The following COL18A1 variants were observed in gnomAD, a reference collection of about 807,000 sequenced individuals.
COL18A1 encodes the protein collagen type XVIII alpha 1 chain, also known as collagen alpha-1(XVIII) chain.
COL18A1 carries 133 observed loss-of-function variants against 168.0 expected under a neutral mutation model. The ratio of observed to expected loss-of-function variants is 0.79; its 90% CI spans 0.69 to 0.91. COL18A1 has a LOEUF of 0.91. Among genes scored for constraint, COL18A1 ranks in the 40% least tolerant of loss-of-function variants. The pLI, the probability that COL18A1 is intolerant of heterozygous loss-of-function variation, is 0.00. For missense variants in COL18A1, 2,126 were observed against 1,925.4 expected, an observed-to-expected ratio of 1.10 and a Z score of -1.95; for synonymous variants, 949 against 809.0, an observed-to-expected ratio of 1.17 and a Z score of -2.94.
intron 2 of COL18A1, among the ~76,000 whole-genome samples, chr21:45,436,612 A>G (rs2145794325): frequency 7.2e-6 from 1 of 139,224 alleles, no homozygotes; most frequent in African/African-American, 2.7e-5. Context: ...ATGGCGGGAA[A>G]GTGCCCCACC....
chr21:45,511,327 TCTTATACATGCTCATTA>T (rs2037596886), intron 41 of COL18A1, 101 bp downstream of exon 41: 2 of 711,812 alleles, frequency 2.8e-6, no homozygotes, highest in Non-Finnish European at 5.2e-6. Context: ...TTTGGACAAA[TCTTATACATGCTCATTA>T]CTTTAAAATT....
intron 2 of COL18A1, among the ~76,000 whole-genome samples, chr21:45,428,479 T>C (rs2033868719): frequency 6.6e-6 from 1 of 152,162 alleles, no homozygotes. Context: ...TAAGTTGAGG[T>C]GAAATTCACA....
intron 26 of COL18A1, 69 bp downstream of exon 26, chr21:45,493,644 G>C (rs1333570299): frequency 2.5e-6 from 3 of 1,213,122 alleles, no homozygotes; most frequent in Admixed American, 4.0e-5. Flanking sequence ...GCCTGGGGAG[G>C]GTCTTCCTGA....
At chr21:45,475,966 G>A (rs115872336) in intron 5 of COL18A1, among the ~76,000 whole-genome samples, 2,397 of 152,346 alleles carry the variant, frequency 0.016, 67 homozygotes, top group African/African-American at 0.054. Context: ...AGAAAACACA[G>A]GAGGGGCGGG....
intron 22 of COL18A1, among the ~76,000 whole-genome samples, chr21:45,492,184 C>T (rs1434392695): frequency 1.3e-5 from 2 of 152,174 alleles, no homozygotes; most frequent in Non-Finnish European, 2.9e-5. Flanking sequence ...GCCCGAGAGG[C>T]CACAGGGACC....
At chr21:45,497,710 A>G (rs1453921103) in intron 32 of COL18A1, 49 bp downstream of exon 32, 8 of 1,549,980 alleles carry the variant, frequency 5.2e-6, no homozygotes, top group Non-Finnish European at 7.0e-6. Flanking sequence ...CGTGGCCAGC[A>G]CTGAAGTGTG....
intron 2 of COL18A1, chr21:45,455,700 C>T (rs2034776454): frequency 6.2e-7 from 1 of 1,614,012 alleles, no homozygotes; most frequent in Non-Finnish European, 8.5e-7. Flanking sequence ...GTGCAGCCCA[C>T]AGCAGATACC....
At chr21:45,496,080 C>CATGCCCTCT (rs1035710090) in intron 29 of COL18A1, 4 of 254,586 alleles carry the variant, frequency 1.6e-5, no homozygotes, top group African/African-American at 5.5e-5. Context: ...CCATGCCCTC[C>CATGCCCTCT]ATGCCCTCTA....
At chr21:45,448,781 G>A (rs1054904288) in intron 2 of COL18A1, among the ~76,000 whole-genome samples, 1 of 152,226 alleles carries the variant, frequency 6.6e-6, no homozygotes. Flanking sequence ...GTATCTTTTG[G>A]GCAGTCCCAG....
intron 39 of COL18A1, among the ~76,000 whole-genome samples, 173 bp downstream of exon 39, chr21:45,509,774 G>C (rs1025338310): frequency 1.3e-5 from 2 of 152,196 alleles, no homozygotes; most frequent in Non-Finnish European, 1.5e-5. Flanking sequence ...CTTGCCCTCT[G>C]GTGGCCAAGC....
chr21:45,475,534 C>G lies in COL18A1; in HGVS notation c.797C>G (p.Thr266Arg). 1 of 1,605,194 alleles carries G rather than the reference C, an allele frequency of 6.2e-7. No individual in the cohort carries two copies. The highest frequency in any genetic ancestry group is 1.1e-5 in the South Asian group (1 of 89,572). Reference protein sequence around the residue: ...GDARELLREETGAALKPRLPA... With the variant: ...GDARELLREERGAALKPRLPA... ...GCCCGGGAGCTTCTCAGGGAGGAGACGGTGAGTAGCCGGACGGGGCCCAGC... is the reference window on the plus strand; with the variant it reads ...GCCCGGGAGCTTCTCAGGGAGGAGAGGGTGAGTAGCCGGACGGGGCCCAGC... Residue 266 changes from threonine (T) to arginine (R), a missense_variant and splice_region_variant, in exon 5 of 42, where the codon ACG (threonine) becomes AGG (arginine). Physicochemically the swap from Thr to Arg is moderately conservative, Grantham distance 71. Transcript: ENST00000651438.
rs941633087 is a variant in COL18A1 at position 45,497,212 on chromosome 21, C to T, written c.2620+120C>T. The T allele has an allele frequency of 1.1e-4, 81 of 757,550 alleles. 2 individuals are homozygous for T. The highest frequency in any genetic ancestry group is 9.7e-4 in the South Asian group (69 of 70,902). The allele number at this position is 757,550 out of a possible 1,614,324, so 46.9% of individuals were successfully genotyped here. A position where few individuals can be genotyped will look rare whatever the true frequency, so the allele number is the denominator to read the frequency against. On this transcript the variant is annotated intron_variant, in intron 31 of 41. Transcript: ENST00000651438. ...CCAGTGGCCCAAGGCCAGTGCTACA[C>T]GCCCAGCCCACGCCCCAGTTCCGAT...
rs2037668449 is a variant in COL18A1, at chr21:45,512,457, T to C, written c.*59T>C. 1.9e-6 allele frequency: 3 copies of C among 1,550,886 alleles called. No individual in the cohort carries two copies. The highest frequency in any genetic ancestry group is 2.3e-5 in the South Asian group (2 of 86,324). ...GGCGGCTCGGAGGAAGCCCCCACCG[T>C]GGGCAGGGAGCGGCCGGCCAGCCCC... On this transcript the variant is annotated 3_prime_UTR_variant, in exon 42 of 42. Coordinates refer to ENST00000651438, the MANE Select transcript of COL18A1 (RefSeq NM_001379500.1).
At position 45,486,946 on chromosome 21, in the gene COL18A1, C is replaced by A; in HGVS notation, c.1787C>A (p.Pro596His). 1 of 1,481,302 alleles carries A rather than the reference C, an allele frequency of 6.8e-7. No individual in the cohort carries two copies. 91.8% of individuals were successfully genotyped at this position (1,481,302 alleles called of 1,614,324 possible). The change falls in exon 16 of 42, where the codon CCC becomes CAC. Residue 596 changes from proline (P) to histidine (H), a missense_variant. Coordinates refer to ENST00000651438, the MANE Select transcript of COL18A1 (RefSeq NM_001379500.1). ...GAPGPAGPPG[P>H]PGPPGPPGPG... The stretch of plus-strand genomic sequence containing the variant: ...CCCGGACCTGCTGGACCACCAGGCC[C>A]CCCTGGGCCCCCTGGGCCCCCAGGA...
chr21:45,449,655 T>C (rs748867933), intron 2 of COL18A1, among the ~76,000 whole-genome samples: 1 of 152,162 alleles, frequency 6.6e-6, no homozygotes, highest in Non-Finnish European at 1.5e-5. Flanking sequence ...ACACTCCCTC[T>C]GCTACCGTAG....
At chr21:45,413,639 G>A (rs1465897265) in intron 2 of COL18A1, among the ~76,000 whole-genome samples, 1 of 152,194 alleles carries the variant, frequency 6.6e-6, no homozygotes, top group Non-Finnish European at 1.5e-5. Flanking sequence ...TATCATCTCA[G>A]CCTTCCAGCC....
chr21:45,476,194 G>A (rs893804072), intron 5 of COL18A1, among the ~76,000 whole-genome samples, 157 bp from the exon 6 acceptor site: 2 of 152,220 alleles, frequency 1.3e-5, no homozygotes, highest in Admixed American at 6.5e-5. Context: ...GCCCACGGAA[G>A]GAAGCCCCTC....
chr21:45,437,245 TACAC>T lies in COL18A1; in HGVS notation c.107-30988_107-30985del, dbSNP rs372338269. ...ACACAGACACACAGGCACTCTCCTG[TACAC>T]ACACACACTCACACACTCAGACACA... On this transcript the variant is annotated intron_variant, in intron 2 of 41. Coordinates refer to ENST00000651438, the MANE Select transcript of COL18A1 (RefSeq NM_001379500.1). 2.2e-3 allele frequency among the ~76,000 whole-genome samples: 112 copies of T among 51,354 alleles called. 2 individuals are homozygous for T. Among genetic ancestry groups the T allele is most frequent in the African/African-American group, 0.01 (93 of 9,154 alleles). 33.7% of individuals were successfully genotyped at this position (51,354 alleles called of 152,430 possible).
At chr21:45,511,056 ACACCCATCCACACCCC>A (rs1442561746) in intron 40 of COL18A1, 39 bp from the exon 41 acceptor site, 2 of 556,160 alleles carry the variant, frequency 3.6e-6, no homozygotes, top group Non-Finnish European at 6.2e-6. Flanking sequence ...ACAAACACCC[ACACCCATCCACACCCC>A]CACACACCAC....
Sources: allele counts gnomAD v4.1 joint callset (sites outside exome capture counted in the v4.1 genomes callset), GRCh38; gene constraint gnomAD v4.1.1; transcripts MANE v1.5; gene names NCBI Gene and HGNC (gene_info 2026-07-23, HGNC 2026-07-21).